The following STYK1 variants were observed in gnomAD, a reference collection of about 807,000 sequenced individuals.
STYK1 encodes STY kinase 1, also known as tyrosine-protein kinase STYK1.
A neutral mutation model predicts 48.1 loss-of-function variants in STYK1; 46 were observed. The observed-to-expected ratio is 0.96, with a 90% confidence interval of 0.75 to 1.22. STYK1 has a LOEUF of 1.22. Among genes scored for constraint, STYK1 ranks in the 50% most tolerant of loss-of-function variants. The pLI is 0.00. For missense variants in STYK1, 527 were observed against 521.1 expected (o/e 1.01, Z -0.11); for synonymous variants, 188 against 189.0 (o/e 0.99, Z 0.04).
intron 6 of STYK1, among the ~76,000 whole-genome samples, chr12:10,628,967 T>C (rs778492658): frequency 5.9e-5 from 9 of 152,204 alleles, no homozygotes; most frequent in Non-Finnish European, 1.2e-4. Context: ...TAATTATCTT[T>C]ATAACAGCTA....
chr12:10,625,468 C>T (rs1337045800), intron 7 of STYK1, among the ~76,000 whole-genome samples: 2 of 152,294 alleles, frequency 1.3e-5, no homozygotes, highest in Non-Finnish European at 1.5e-5. Flanking sequence ...CTGCCCTCCT[C>T]GGCCTCCCAA....
rs776551281 is a variant in STYK1, at chr12:10,631,305, A to G, written c.191T>C (p.Ile64Thr). Residue 64 changes from isoleucine to threonine, a missense_variant, in exon 5 of 11, where the codon ATT becomes ACT. Ile to Thr is a moderately conservative substitution (Grantham distance 89). Transcript: ENST00000075503. ...TQQQRSGPQGIAPVPPPRDLS... is the reference protein window; with the variant it reads ...TQQQRSGPQGTAPVPPPRDLS... ...GTCCCTAGGTGGAGGAACAGGGGCAATGCCTAGAACAGAGAGATGATGTCA... is the reference window on the plus strand; with the variant it reads ...GTCCCTAGGTGGAGGAACAGGGGCAGTGCCTAGAACAGAGAGATGATGTCA... The G allele has an allele frequency of 9.3e-6, 15 of 1,613,976 alleles. No individual in the cohort carries two copies. The East Asian group carries it at 2.7e-4, about 29-fold the overall frequency.
intron 1 of STYK1, among the ~76,000 whole-genome samples, chr12:10,653,804 C>T (rs765524710): frequency 6.6e-6 from 1 of 152,168 alleles, no homozygotes; most frequent in Non-Finnish European, 1.5e-5. Flanking sequence ...GGAACAAAAA[C>T]GTGGCACTGC....
intron 1 of STYK1, among the ~76,000 whole-genome samples, chr12:10,669,011 G>A (rs546785768): frequency 6.6e-6 from 1 of 152,184 alleles, no homozygotes; most frequent in African/African-American, 2.4e-5. Flanking sequence ...AACTGGCAAA[G>A]GAAGAAGAAA....
At position 10,620,305 on chromosome 12, in the gene STYK1, G is replaced by T. The variant is rs775598308; in HGVS notation, c.1108C>A (p.Arg370Ser). ...AAGCGCAGCTCTCTAGGTGAGGGGC[G>T]GTCAGCCTCACGCCAGCGCCAGCAG... ...KSCWRWREAD[R>S]PSPRELRLRL... The change falls in exon 11 of 11, where the codon CGC (arginine) becomes AGC (serine). Residue 370 changes from arginine to serine, a missense_variant. Transcript: ENST00000075503. 1 of 1,613,578 alleles carries T rather than the reference G, an allele frequency of 6.2e-7. No individual in the cohort carries two copies. Among genetic ancestry groups the T allele is most frequent in the Non-Finnish European group, 8.5e-7 (1 of 1,180,054 alleles).
At chr12:10,636,656 G>C (rs1947489025) in intron 2 of STYK1, among the ~76,000 whole-genome samples, 1 of 152,170 alleles carries the variant, frequency 6.6e-6, no homozygotes, top group South Asian at 2.1e-4. Context: ...TATTAGAAAA[G>C]TGATCACTGC....
intron 7 of STYK1, among the ~76,000 whole-genome samples, chr12:10,626,938 C>T (rs796725146): frequency 6.6e-5 from 10 of 152,188 alleles, no homozygotes; most frequent in Non-Finnish European, 1.3e-4. Context: ...ACCTGGGAGG[C>T]GGAGCTTCCA....
Position 10,634,038 on chromosome 12 carries a change from GCC to G in STYK1, c.137_138del (p.Trp46SerfsTer25). ...IFLILLGVIL[W>X]LFIREQRTQQ... Reference sequence around the variant, plus strand: ...TGAGTTCTTTGTTCTCTGATAAAAAGCCACAGGATGACCCCAAGAAGGATGAG... The same window carrying G: ...TGAGTTCTTTGTTCTCTGATAAAAAGACAGGATGACCCCAAGAAGGATGAG... On this transcript the variant is annotated frameshift_variant, in exon 4 of 11. Coordinates refer to ENST00000075503, the MANE Select transcript of STYK1 (RefSeq NM_018423.3). LOFTEE classifies it high-confidence loss of function. 1.2e-6 allele frequency: 2 copies of G among 1,614,138 alleles called. No individual in the cohort carries two copies. Among genetic ancestry groups the G allele is most frequent in the Non-Finnish European group, 1.7e-6 (2 of 1,180,028 alleles).
chr12:10,658,563 T>C (rs1028519675), intron 1 of STYK1, among the ~76,000 whole-genome samples: 8 of 152,174 alleles, frequency 5.3e-5, no homozygotes, highest in Non-Finnish European at 7.4e-5. Flanking sequence ...TGGTTAAACC[T>C]TCAATATTTG....
In STYK1 at chr12:10,634,669, C is replaced by T. The variant is rs559761641; in HGVS notation, c.-51G>A. On this transcript the variant is annotated 5_prime_UTR_variant, in exon 3 of 11. Coordinates refer to ENST00000075503, the MANE Select transcript of STYK1 (RefSeq NM_018423.3). ...CTAGGCCCACAGAGAATGCACACAGCACAGCTGTGAGTAATTCCTAAGGAT... is the reference window on the plus strand; with the variant it reads ...CTAGGCCCACAGAGAATGCACACAGTACAGCTGTGAGTAATTCCTAAGGAT... 1.1e-5 allele frequency: 17 copies of T among 1,602,844 alleles called. No homozygotes were observed. In the African/African-American group the frequency reaches 1.3e-4, roughly 13 times the overall value.
Position 10,624,722 on chromosome 12 carries a change from A to C in STYK1, c.855T>G (p.Thr285=). 1 of 1,614,140 alleles carries C rather than the reference A, an allele frequency of 6.2e-7. No individual in the cohort carries two copies. Among genetic ancestry groups the C allele is most frequent in the Non-Finnish European group, 8.5e-7 (1 of 1,180,024 alleles). Residue 285 remains threonine, a synonymous_variant, in exon 8 of 11, where the codon ACT becomes ACG. Transcript: ENST00000075503. ...CAAGCCACTTGAGAGGTATGGTTTG[A>C]GTAGAGGAGATGGCCCCTCGGGTGT... The part of the protein sequence containing the change: ...EVYTRGAISS[T]QTIPLKWLAP...
intron 1 of STYK1, among the ~76,000 whole-genome samples, chr12:10,656,939 G>C (rs1451657049): frequency 1.3e-5 from 2 of 152,194 alleles, no homozygotes; most frequent in African/African-American, 2.4e-5. Flanking sequence ...CTTATTATGA[G>C]AGAGCTTTGG....
At position 10,658,274 on chromosome 12, in the gene STYK1, T is replaced by C. The variant is rs143526159; in HGVS notation, c.-195+15692A>G. ...TACGATTGAATAGATTTGTCTATAA[T>C]GTTTTATTAAGAATTGGGATTGACA... On this transcript the variant is annotated intron_variant, in intron 1 of 10. Coordinates refer to ENST00000075503, the MANE Select transcript of STYK1 (RefSeq NM_018423.3). 3.1e-4 allele frequency among the ~76,000 whole-genome samples: 47 copies of C among 152,352 alleles called. No individual in the cohort carries two copies. The East Asian group carries it at 6.7e-3, about 22-fold the overall frequency.
intron 1 of STYK1, among the ~76,000 whole-genome samples, chr12:10,646,781 C>G (rs1947604448): frequency 6.6e-6 from 1 of 152,218 alleles, no homozygotes. Context: ...CAGGGTCCCT[C>G]TGCTATGTGC....
intron 1 of STYK1, among the ~76,000 whole-genome samples, chr12:10,648,460 CA>C (rs1242159922): frequency 1.3e-5 from 2 of 151,596 alleles, no homozygotes; most frequent in African/African-American, 4.8e-5. Flanking sequence ...ACGTGAAAAA[CA>C]AAAGTAAATG....
chr12:10,647,282 A>G (rs1419869076), intron 1 of STYK1, among the ~76,000 whole-genome samples: 2 of 152,224 alleles, frequency 1.3e-5, no homozygotes, highest in African/African-American at 4.8e-5. Flanking sequence ...GAGCTGCCCA[A>G]GACCATGGGA....
chr12:10,646,602 G>A (rs1183485237), intron 1 of STYK1, among the ~76,000 whole-genome samples: 2 of 152,206 alleles, frequency 1.3e-5, no homozygotes, highest in Admixed American at 6.5e-5. Context: ...ATTTTCTGAG[G>A]AGAAATTCAA....
At chr12:10,630,062 AGAGAGAGAGAGAGAGAGAGAGAGAGAGAG>A in intron 5 of STYK1, among the ~76,000 whole-genome samples, 1 of 35,292 alleles carries the variant, frequency 2.8e-5, no homozygotes, top group Non-Finnish European at 7.9e-5. Context: ...AGAGAGAGAG[AGAGAGAGAGAGAGAGAGAGAGAGAGAGAG>A]AAATATAATG....
intron 1 of STYK1, among the ~76,000 whole-genome samples, chr12:10,660,035 T>C (rs1947759356): frequency 6.6e-6 from 1 of 152,180 alleles, no homozygotes; most frequent in African/African-American, 2.4e-5. Context: ...AAGATCTGGA[T>C]CAGTATTCTA....
Sources: gnomAD v4.1 joint callset for allele counts (sites outside exome capture counted in the v4.1 genomes callset) on GRCh38, gnomAD v4.1.1 for gene constraint, MANE v1.5 for transcripts, NCBI Gene and HGNC (gene_info 2026-07-23, HGNC 2026-07-21) for gene names.